LRP1B: variants seen among roughly 807,000 people sequenced by gnomAD.
LRP1B encodes the protein LDL receptor related protein 1B.
Under a neutral mutation model 556.6 loss-of-function variants are expected in LRP1B, and 217 were observed. The observed-to-expected ratio is 0.39, with a 90% CI of 0.35 to 0.44. The LOEUF is 0.44. Ranked by LOEUF, LRP1B falls within the 20% of genes least tolerant of loss-of-function variation. The pLI is 1.00. For synonymous variants in LRP1B, 2,047 were observed against 1,865.8 expected (o/e 1.10, Z -2.50); for missense variants, 5,053 against 5,620.8 (o/e 0.90, Z 3.23).
intron 2 of LRP1B, among the ~76,000 whole-genome samples, chr2:141,567,198 A>G (rs866940745): frequency 6.6e-5 from 10 of 152,200 alleles, no homozygotes; most frequent in African/African-American, 2.2e-4. Flanking sequence ...ATGTCTAAGG[A>G]AAGGAAACTT....
intron 2 of LRP1B, among the ~76,000 whole-genome samples, chr2:141,716,151 A>T (rs1692576210): frequency 6.6e-6 from 1 of 152,204 alleles, no homozygotes; most frequent in Non-Finnish European, 1.5e-5. Context: ...GCTCTCTATA[A>T]CCTTGCAAAA....
intron 7 of LRP1B, among the ~76,000 whole-genome samples, chr2:141,140,346 G>C (rs1701616461): frequency 6.6e-6 from 1 of 151,932 alleles, no homozygotes; most frequent in African/African-American, 2.4e-5. Flanking sequence ...TTTTAAATCA[G>C]AATAAAAGAA....
chr2:141,188,391 T>C (rs2105192670), intron 7 of LRP1B, 30 bp downstream of exon 7: 3 of 1,597,350 alleles, frequency 1.9e-6, no homozygotes, highest in Non-Finnish European at 2.6e-6. Context: ...GCAAACTTTT[T>C]TAGACCAAAC....
intron 3 of LRP1B, among the ~76,000 whole-genome samples, chr2:141,463,563 T>A (rs865892370): frequency 1.4e-4 from 2 of 14,382 alleles, no homozygotes; most frequent in Non-Finnish European, 3.6e-4. Context: ...ATATAATATA[T>A]ATTATATATT....
intron 56 of LRP1B, among the ~76,000 whole-genome samples, chr2:140,493,595 A>G (rs1688793972): frequency 6.6e-6 from 1 of 151,914 alleles, no homozygotes; most frequent in African/African-American, 2.4e-5. Flanking sequence ...TTTTTAAGAC[A>G]CATTCATAAA....
intron 1 of LRP1B, among the ~76,000 whole-genome samples, chr2:141,872,802 C>A (rs115880042): frequency 0.014 from 2,165 of 151,866 alleles, 49 homozygotes; most frequent in African/African-American, 0.049. Flanking sequence ...CAGGAACATA[C>A]AAAGCAAGAT....
intron 35 of LRP1B, among the ~76,000 whole-genome samples, chr2:140,764,788 A>G (rs906537733): frequency 2.0e-5 from 3 of 152,120 alleles, no homozygotes; most frequent in Non-Finnish European, 2.9e-5. Context: ...ACACATCCAT[A>G]GTTTATATTA....
At chr2:141,829,736 T>C (rs1223568912) in intron 1 of LRP1B, among the ~76,000 whole-genome samples, 5 of 152,044 alleles carry the variant, frequency 3.3e-5, no homozygotes, top group African/African-American at 4.8e-5. Context: ...ATCATATACA[T>C]GTCCCGTTTT....
At chr2:140,645,822 G>A (rs1684464750) in intron 41 of LRP1B, among the ~76,000 whole-genome samples, 1 of 151,992 alleles carries the variant, frequency 6.6e-6, no homozygotes. Context: ...ACAAGCGTGA[G>A]CCATCGCACC....
intron 5 of LRP1B, among the ~76,000 whole-genome samples, chr2:141,237,884 G>T (rs923342893): frequency 6.6e-6 from 1 of 152,086 alleles, no homozygotes; most frequent in African/African-American, 2.4e-5. Context: ...TACTTAGCAC[G>T]TGGCAAGTGT....
rs1685437286 is a variant in LRP1B, at chr2:141,544,340, C to CTTCTTCTTCTTCTT, written c.206-63821_206-63808dup. ...TCTTCTTCTTCTTCTTCTTCTTCTT[C>CTTCTTCTTCTTCTT]TTCTTCTTCTTCTTCTTCTTCTTCT... On this transcript the variant is annotated intron_variant, in intron 2 of 90. Transcript: ENST00000389484. Among the ~76,000 whole-genome samples the CTTCTTCTTCTTCTT allele has an allele frequency of 1.2e-3, 85 of 73,254 alleles. 2 individuals carry two copies. Among genetic ancestry groups the CTTCTTCTTCTTCTT allele is most frequent in the African/African-American group, 2.9e-3 (53 of 18,334 alleles). 48.1% of individuals were successfully genotyped at this position (73,254 alleles called of 152,430 possible).
intron 7 of LRP1B, among the ~76,000 whole-genome samples, chr2:141,102,047 T>C (rs1400729117): frequency 1.3e-5 from 2 of 152,128 alleles, no homozygotes; most frequent in Non-Finnish European, 2.9e-5. Flanking sequence ...ATACAATTTA[T>C]GGGGAAAGAA....
intron 2 of LRP1B, among the ~76,000 whole-genome samples, chr2:141,630,065 C>A (rs571293841): frequency 4.6e-5 from 7 of 152,274 alleles, no homozygotes; most frequent in African/African-American, 1.7e-4. Flanking sequence ...CTATAGCTAA[C>A]AAAAGGCAAT....
At chr2:140,382,255 A>C (rs1295139134) in intron 67 of LRP1B, among the ~76,000 whole-genome samples, 1 of 152,160 alleles carries the variant, frequency 6.6e-6, no homozygotes. Context: ...AATTCAAATA[A>C]GGCAGAAGCA....
chr2:140,416,074 G>A (rs549849901), intron 66 of LRP1B, among the ~76,000 whole-genome samples: 3 of 152,292 alleles, frequency 2.0e-5, no homozygotes, highest in East Asian at 1.9e-4. Flanking sequence ...AGCAGGAGGC[G>A]AGTGGCAGGC....
chr2:140,956,332 C>T (rs570924153), intron 18 of LRP1B, among the ~76,000 whole-genome samples: 1 of 151,818 alleles, frequency 6.6e-6, no homozygotes, highest in African/African-American at 2.4e-5. Context: ...ATTTTTTTCA[C>T]TATACCATGC....
intron 3 of LRP1B, among the ~76,000 whole-genome samples, chr2:141,258,432 C>T (rs1474552980): frequency 6.6e-6 from 1 of 152,062 alleles, no homozygotes; most frequent in Non-Finnish European, 1.5e-5. Context: ...GATAGTGCCA[C>T]TGCACTCCAA....
intron 2 of LRP1B, among the ~76,000 whole-genome samples, chr2:141,668,820 G>A (rs1339938087): frequency 6.6e-6 from 1 of 152,116 alleles, no homozygotes; most frequent in East Asian, 1.9e-4. Context: ...GGGGCTTTGG[G>A]AGTTGCAGGC....
chr2:141,492,790 C>T (rs990054985), intron 2 of LRP1B, among the ~76,000 whole-genome samples: 3 of 152,098 alleles, frequency 2.0e-5, no homozygotes, highest in African/African-American at 7.2e-5. Context: ...ATGATACAAA[C>T]ATTTAAATAT....
Sources: gnomAD v4.1 joint callset for allele counts (sites outside exome capture counted in the v4.1 genomes callset) on GRCh38, gnomAD v4.1.1 for gene constraint, MANE v1.5 for transcripts, NCBI Gene and HGNC (gene_info 2026-07-23, HGNC 2026-07-21) for gene names.